IQSEC3: variants seen among roughly 807,000 people sequenced by gnomAD.
The protein encoded by IQSEC3 is IQ motif and SEC7 domain-containing protein 3.
IQSEC3 carries 50 observed loss-of-function variants against 105.4 expected under a neutral mutation model. The ratio of observed to expected loss-of-function variants is 0.47; its 90% CI spans 0.38 to 0.60. The LOEUF is 0.60. Among genes scored for constraint, IQSEC3 ranks in the 20% least tolerant of loss-of-function variants. The pLI is 0.00. For synonymous variants in IQSEC3, 708 were observed against 746.0 expected (o/e 0.95, Z 0.83); for missense variants, 1,415 against 1,630.0 (o/e 0.87, Z 2.27).
intron 3 of IQSEC3, among the ~76,000 whole-genome samples, chr12:135,224 T>G (rs1865725506): frequency 6.6e-6 from 1 of 152,228 alleles, no homozygotes; most frequent in South Asian, 2.1e-4. Context: ...GACATTTTAG[T>G]GATCAGTTCC....
chr12:70,189 T>G (rs1863259010), intron 1 of IQSEC3, among the ~76,000 whole-genome samples: 1 of 152,256 alleles, frequency 6.6e-6, no homozygotes, highest in Admixed American at 6.5e-5. Flanking sequence ...GTAGATGCAT[T>G]ATGTCCTCAC....
chr12:169,289 C>T (rs1374029549), intron 12 of IQSEC3, among the ~76,000 whole-genome samples, 184 bp downstream of exon 12: 2 of 152,100 alleles, frequency 1.3e-5, no homozygotes, highest in Non-Finnish European at 2.9e-5. Context: ...AGGAGGAAGG[C>T]GAGAGAGAAA....
At chr12:80,943 C>T (rs528980628) in intron 1 of IQSEC3, among the ~76,000 whole-genome samples, 11 of 152,272 alleles carry the variant, frequency 7.2e-5, no homozygotes, top group African/African-American at 2.6e-4. Context: ...TCAAGTAAGA[C>T]AAGGGCCGAG....
chr12:163,878 A>C (rs1867043066), intron 9 of IQSEC3, among the ~76,000 whole-genome samples: 1 of 151,954 alleles, frequency 6.6e-6, no homozygotes, highest in Non-Finnish European at 1.5e-5. Flanking sequence ...ACAAACTGTT[A>C]ACGAACTAGT....
At chr12:118,609 A>T (rs1865122957) in intron 2 of IQSEC3, among the ~76,000 whole-genome samples, 1 of 150,838 alleles carries the variant, frequency 6.6e-6, no homozygotes, top group African/African-American at 2.4e-5. Context: ...TAGAGTCTCT[A>T]GTAATTACTG....
At chr12:171,071 C>T (rs1555100078) in intron 12 of IQSEC3, 41 bp from the exon 13 acceptor site, 1 of 1,611,898 alleles carries the variant, frequency 6.2e-7, no homozygotes, top group Admixed American at 1.7e-5. Flanking sequence ...GGGCTTGGCT[C>T]AGCCGGTGGA....
At chr12:107,123 C>G (rs540659722) in intron 2 of IQSEC3, among the ~76,000 whole-genome samples, 2 of 152,330 alleles carry the variant, frequency 1.3e-5, no homozygotes, top group South Asian at 4.1e-4. Flanking sequence ...CCAGCAGGGA[C>G]ACTTTCCATA....
chr12:160,924 C>A (rs1555095984), intron 7 of IQSEC3, among the ~76,000 whole-genome samples: 2 of 152,176 alleles, frequency 1.3e-5, no homozygotes, highest in African/African-American at 4.8e-5. Context: ...CCCGAGTATT[C>A]AGAAGCAGCA....
chr12:144,847 G>A (rs1866195854), intron 5 of IQSEC3, among the ~76,000 whole-genome samples: 1 of 152,178 alleles, frequency 6.6e-6, no homozygotes, highest in South Asian at 2.1e-4. Context: ...TTCGCTTTTG[G>A]TTTTTTTGAG....
intron 2 of IQSEC3, among the ~76,000 whole-genome samples, chr12:119,543 G>C (rs1865152683): frequency 6.6e-6 from 1 of 152,228 alleles, no homozygotes; most frequent in Admixed American, 6.5e-5. Flanking sequence ...AAGAAAGGCT[G>C]AGGCTCCCAG....
At chr12:174,023 C>T (rs1224999497) in intron 13 of IQSEC3, among the ~76,000 whole-genome samples, 5 of 152,184 alleles carry the variant, frequency 3.3e-5, no homozygotes, top group Non-Finnish European at 7.4e-5. Context: ...GGGCTGTTCT[C>T]GAACGCAGGG....
chr12:141,012 G>A, intron 4 of IQSEC3, 112 bp from the exon 5 acceptor site: 1 of 1,100,328 alleles, frequency 9.1e-7, no homozygotes, highest in Non-Finnish European at 1.3e-6. Context: ...CTTCAATGGG[G>A]AACTGGATTT....
At chr12:147,361 C>T (rs964018232) in intron 5 of IQSEC3, among the ~76,000 whole-genome samples, 4 of 152,228 alleles carry the variant, frequency 2.6e-5, no homozygotes, top group African/African-American at 7.2e-5. Context: ...TGCAAAACCT[C>T]GTTCCATCTT....
At chr12:135,859 G>C (rs1420288894) in intron 3 of IQSEC3, among the ~76,000 whole-genome samples, 1 of 152,230 alleles carries the variant, frequency 6.6e-6, no homozygotes, top group Non-Finnish European at 1.5e-5. Context: ...CACCTTAGAT[G>C]ATATTGCAGC....
intron 5 of IQSEC3, among the ~76,000 whole-genome samples, chr12:150,675 C>A (rs1866471846): frequency 6.6e-6 from 1 of 152,186 alleles, no homozygotes; most frequent in Non-Finnish European, 1.5e-5. Context: ...TAGCAACCAG[C>A]AATGGCCGTG....
At chr12:135,597 A>G (rs1221905404) in intron 3 of IQSEC3, among the ~76,000 whole-genome samples, 2 of 152,222 alleles carry the variant, frequency 1.3e-5, no homozygotes, top group African/African-American at 2.4e-5. Flanking sequence ...TAGGTTACCA[A>G]TTGGTTGATT....
intron 11 of IQSEC3, among the ~76,000 whole-genome samples, chr12:168,428 G>T (rs1285434024): frequency 6.7e-6 from 1 of 148,250 alleles, no homozygotes; most frequent in Non-Finnish European, 1.5e-5. Context: ...CCCAGGCGCC[G>T]GGTGGAGAGG....
intron 7 of IQSEC3, among the ~76,000 whole-genome samples, chr12:160,772 C>T (rs1555095940): frequency 6.6e-6 from 1 of 152,206 alleles, no homozygotes; most frequent in Non-Finnish European, 1.5e-5. Context: ...TGAGTGGCTT[C>T]TAACCTCTCT....
rs1252380882 is a variant in IQSEC3 at position 138,326 on chromosome 12, C to G, written c.963C>G (p.Thr321=). 6.2e-7 allele frequency: 1 copy of G among 1,613,812 alleles called. No individual in the cohort carries two copies. Among genetic ancestry groups the G allele is most frequent in the Admixed American group, 1.7e-5 (1 of 60,016 alleles). The change falls in exon 4 of 14, where the codon ACC becomes ACG. Residue 321 remains threonine (T), a synonymous_variant. Transcript: ENST00000538872. This position sits in a 1 kb window ranked among gnomAD's most constrained non-coding sequence, Gnocchi z 7.1. ...TGGTGTCCCGGCGCGCCGCTTGCAC[C>G]ATCCAAACCGCCTTCCGCCAATACC... The part of the protein sequence containing the change: ...GHLVSRRAAC[T]IQTAFRQYQL...
Sources: allele counts gnomAD v4.1 joint callset (sites outside exome capture counted in the v4.1 genomes callset), GRCh38; gene constraint gnomAD v4.1.1; non-coding constraint Gnocchi (gnomAD v3.1); transcripts MANE v1.5; gene names NCBI Gene and HGNC (gene_info 2026-07-23, HGNC 2026-07-21).